SCLT1: variants seen among roughly 807,000 people sequenced by gnomAD.
SCLT1 encodes sodium channel and clathrin linker 1.
A neutral mutation model predicts 112.8 loss-of-function variants in SCLT1; 78 were observed. That is an observed-to-expected ratio of 0.69 (90% CI 0.58 to 0.83). The LOEUF is 0.83. Among genes scored for constraint, SCLT1 ranks in the 40% least tolerant of loss-of-function variants. The pLI is 0.00. For missense variants in SCLT1, 747 were observed against 770.4 expected, an observed-to-expected ratio of 0.97 and a Z score of 0.36; for synonymous variants, 257 against 254.7, an observed-to-expected ratio of 1.01 and a Z score of -0.09.
At chr4:128,886,219 C>T (rs1732883418) in intron 20 of SCLT1, among the ~76,000 whole-genome samples, 1 of 152,064 alleles carries the variant, frequency 6.6e-6, no homozygotes, top group Admixed American at 6.5e-5. Context: ...TAGAGTGATA[C>T]ACTTAGAATG....
At chr4:128,919,136 C>T (rs1204902210) in intron 18 of SCLT1, among the ~76,000 whole-genome samples, 1 of 152,040 alleles carries the variant, frequency 6.6e-6, no homozygotes, top group East Asian at 1.9e-4. Flanking sequence ...TTCTTCTCAT[C>T]TGCACATGGC....
At position 129,024,860 on chromosome 4, in the gene SCLT1, T is replaced by C. The variant is rs1190202563; in HGVS notation, c.290+14181A>G. On this transcript the variant is annotated intron_variant, in intron 5 of 20. Transcript: ENST00000281142. ...AATACAGAGAAGTGCTTAAAGGAGC[T>C]GATGGAGCTGAAAACCAAGGCTCGA... Among the ~76,000 whole-genome samples, 4 of 152,032 alleles carry C rather than the reference T, an allele frequency of 2.6e-5. No homozygotes were observed. The South Asian group carries it at 6.2e-4, about 24-fold the overall frequency.
At chr4:128,954,353 C>G (rs1164024700) in intron 13 of SCLT1, among the ~76,000 whole-genome samples, 1 of 142,572 alleles carries the variant, frequency 7.0e-6, no homozygotes, top group Non-Finnish European at 1.5e-5. Context: ...GAGTCTCGCT[C>G]TGTTGCCCAG....
At chr4:129,020,186 A>G (rs142333082) in intron 5 of SCLT1, among the ~76,000 whole-genome samples, 58 of 152,348 alleles carry the variant, frequency 3.8e-4, no homozygotes, top group African/African-American at 1.3e-3. Flanking sequence ...ATCATTGAGA[A>G]TGAAATTCTA....
intron 5 of SCLT1, among the ~76,000 whole-genome samples, chr4:129,025,550 C>T (rs1174338660): frequency 6.6e-6 from 1 of 152,004 alleles, no homozygotes; most frequent in Non-Finnish European, 1.5e-5. Context: ...CTGAAGGAAG[C>T]ACTAAACATG....
chr4:129,075,341 T>C (rs1324341079), intron 2 of SCLT1, among the ~76,000 whole-genome samples: 2 of 152,168 alleles, frequency 1.3e-5, no homozygotes, highest in Non-Finnish European at 1.5e-5. Context: ...GTTTATATCA[T>C]GAGGAGGTTA....
intron 9 of SCLT1, among the ~76,000 whole-genome samples, chr4:128,988,902 T>C (rs1742328930): frequency 6.6e-6 from 1 of 151,880 alleles, no homozygotes; most frequent in Admixed American, 6.6e-5. Context: ...TATATAATGA[T>C]AAAGGGGTCA....
At position 128,970,469 on chromosome 4, in the gene SCLT1, CTAAAAAATAAAGTAAATTAA is replaced by C. The variant is rs775465831; in HGVS notation, c.687-21_687-2del. 6.4e-7 allele frequency: 1 copy of C among 1,567,648 alleles called. No homozygotes were observed. The highest frequency in any genetic ancestry group is 1.7e-5 in the Admixed American group (1 of 59,674). On this transcript the variant is annotated splice_acceptor_variant and splice_polypyrimidine_tract_variant and intron_variant, in intron 9 of 20. Coordinates refer to ENST00000281142, the MANE Select transcript of SCLT1 (RefSeq NM_144643.4). LOFTEE classifies it high-confidence loss of function. ...AACTCTCAGCTCTAATTTGGCTTGC[CTAAAAAATAAAGTAAATTAA>C]TAAACACTGTTTTCATAGACCACTA...
chr4:128,876,989 T>C (rs181396772), intron 3 of SCLT1, among the ~76,000 whole-genome samples: 6 of 152,382 alleles, frequency 3.9e-5, no homozygotes, highest in African/African-American at 7.2e-5. Flanking sequence ...TTCAGGTCTC[T>C]TCATTTTTTG....
intron 18 of SCLT1, among the ~76,000 whole-genome samples, chr4:128,921,015 T>A (rs1001296633): frequency 1.3e-5 from 2 of 152,038 alleles, no homozygotes; most frequent in Non-Finnish European, 2.9e-5. Context: ...ATCAGTGACA[T>A]CTAAGCAGAG....
At chr4:129,090,856 AGCTGCCT>A (rs1561076712) in intron 1 of SCLT1, among the ~76,000 whole-genome samples, 1 of 152,216 alleles carries the variant, frequency 6.6e-6, no homozygotes, top group Admixed American at 6.5e-5. Flanking sequence ...TTGAGTGTGG[AGCTGCCT>A]GTCGTTATGA....
chr4:129,026,458 A>C (rs7671159), intron 5 of SCLT1, among the ~76,000 whole-genome samples: 39,413 of 151,662 alleles, frequency 0.26, 6,280 homozygotes, highest in Non-Finnish European at 0.35. Flanking sequence ...CTACTGGGTA[A>C]ATAATGAAAT....
intron 13 of SCLT1, among the ~76,000 whole-genome samples, chr4:128,955,205 G>A (rs1334015805): frequency 1.3e-5 from 2 of 152,190 alleles, no homozygotes; most frequent in Non-Finnish European, 2.9e-5. Context: ...ACATTTCAGT[G>A]AGGTAGTTTA....
intron 2 of SCLT1, among the ~76,000 whole-genome samples, chr4:129,060,309 T>C (rs755041694): frequency 4.6e-5 from 7 of 152,190 alleles, no homozygotes; most frequent in Non-Finnish European, 1.0e-4. Context: ...CATTGAATTA[T>C]TCTTCTGGAA....
At chr4:128,997,785 C>G (rs1028887507) in intron 8 of SCLT1, 89 bp downstream of exon 8, 12 of 602,108 alleles carry the variant, frequency 2.0e-5, no homozygotes, top group Non-Finnish European at 3.3e-5. Flanking sequence ...TAATTTCGTG[C>G]AGCATGCTTA....
intron 13 of SCLT1, among the ~76,000 whole-genome samples, chr4:128,954,018 C>A (rs73847303): frequency 6.6e-6 from 1 of 151,880 alleles, no homozygotes; most frequent in African/African-American, 2.4e-5. Context: ...GTGCACAGAG[C>A]ATTTTGAAGA....
At chr4:128,951,791 C>T (rs1434523140) in intron 14 of SCLT1, among the ~76,000 whole-genome samples, 1 of 152,114 alleles carries the variant, frequency 6.6e-6, no homozygotes, top group African/African-American at 2.4e-5. Flanking sequence ...CTTGATGTTC[C>T]TACATTATTA....
chr4:129,067,407 C>A (rs555553231), intron 2 of SCLT1, among the ~76,000 whole-genome samples: 6 of 151,064 alleles, frequency 4.0e-5, no homozygotes, highest in Non-Finnish European at 7.4e-5. Flanking sequence ...TTCCATAGTA[C>A]CTCTTGGTGA....
intron 3 of SCLT1, 130 bp from the exon 4 acceptor site, chr4:129,043,597 T>A: frequency 3.5e-6 from 2 of 568,510 alleles, no homozygotes. Context: ...TTTCCCTTTT[T>A]TCCAAAACCA....
Sources: gnomAD v4.1 joint callset for allele counts (sites outside exome capture counted in the v4.1 genomes callset) on GRCh38, gnomAD v4.1.1 for gene constraint, MANE v1.5 for transcripts, NCBI Gene and HGNC (gene_info 2026-07-23, HGNC 2026-07-21) for gene names.